MYO6: variants seen among roughly 807,000 people sequenced by gnomAD.
The protein encoded by MYO6 is myosin VI, also known as unconventional myosin-VI.
Under a neutral mutation model 178.7 loss-of-function variants are expected in MYO6, and 74 were observed. That is an observed-to-expected ratio of 0.41 (90% CI 0.34 to 0.50). The LOEUF is 0.50. MYO6 is among the 20% of genes least tolerant of loss of function. The pLI, the probability that MYO6 is intolerant of heterozygous loss-of-function variation, is 0.09. For missense variants in MYO6, 1,330 were observed against 1,547.4 expected, an observed-to-expected ratio of 0.86 and a Z score of 2.36; for synonymous variants, 477 against 504.6, an observed-to-expected ratio of 0.95 and a Z score of 0.73.
intron 1 of MYO6, among the ~76,000 whole-genome samples, chr6:75,777,414 TTTTTTC>T (rs1766496215): frequency 2.0e-5 from 3 of 151,928 alleles, no homozygotes; most frequent in Admixed American, 1.3e-4. Context: ...TTCTTTCTCT[TTTTTTC>T]TTTTTCTTTT....
rs1486371736 is a variant in MYO6 at position 75,914,067 on chromosome 6, G to A, written c.3444G>A (p.Gln1148=). ...TTTCCTTGTTCTGTGTAATAGCTCA[G>A]CAAAACCCAGCAGCTCAGATTCCTG... ...DFAPFLNNSP[Q]QNPAAQIPAR... Residue 1148 remains glutamine (Q), a synonymous_variant, in exon 34 of 35, where the codon CAG becomes CAA. Transcript: ENST00000369977. 2 of 1,613,906 alleles carry A rather than the reference G, an allele frequency of 1.2e-6. No homozygotes were observed. Among genetic ancestry groups the A allele is most frequent in the Admixed American group, 1.7e-5 (1 of 60,010 alleles).
intron 1 of MYO6, among the ~76,000 whole-genome samples, chr6:75,787,726 C>CTATATATATA (rs1562158559): frequency 4.9e-5 from 1 of 20,460 alleles, no homozygotes; most frequent in Non-Finnish European, 8.8e-5. Flanking sequence ...CTCTCTCTCT[C>CTATATATATA]TCTCTATATA....
At chr6:75,769,342 C>A (rs892523258) in intron 1 of MYO6, among the ~76,000 whole-genome samples, 1 of 152,194 alleles carries the variant, frequency 6.6e-6, no homozygotes, top group African/African-American at 2.4e-5. Context: ...CTCCTTCCAC[C>A]CATGAGCCTG....
intron 20 of MYO6, among the ~76,000 whole-genome samples, chr6:75,874,058 G>A (rs1777370830): frequency 6.6e-6 from 1 of 152,020 alleles, no homozygotes; most frequent in African/African-American, 2.4e-5. Context: ...TTTCTTCTCT[G>A]ACTCCTTATT....
At chr6:75,779,058 A>T (rs891077355) in intron 1 of MYO6, among the ~76,000 whole-genome samples, 16 of 22,376 alleles carry the variant, frequency 7.2e-4, no homozygotes, top group Non-Finnish European at 5.0e-4. Flanking sequence ...CTTTGTCTCA[A>T]AAAAAAAAAA....
intron 32 of MYO6, among the ~76,000 whole-genome samples, chr6:75,910,847 C>T (rs1276170131): frequency 6.6e-6 from 1 of 152,006 alleles, no homozygotes; most frequent in Non-Finnish European, 1.5e-5. Context: ...GCTAAACACC[C>T]TTTAAAAGGA....
intron 25 of MYO6, among the ~76,000 whole-genome samples, chr6:75,887,695 C>T (rs369688807): frequency 3.2e-4 from 47 of 147,064 alleles, no homozygotes; most frequent in Admixed American, 1.5e-3. Flanking sequence ...AGAAAATGGC[C>T]GGGCACGGTG....
At chr6:75,768,014 G>T (rs911991788) in intron 1 of MYO6, 1 of 152,154 alleles carries the variant, frequency 6.6e-6, no homozygotes, top group African/African-American at 2.4e-5. Context: ...AAGTAGCTGG[G>T]ATTACATGTT....
intron 30 of MYO6, among the ~76,000 whole-genome samples, chr6:75,902,403 T>G (rs1779873032): frequency 6.6e-6 from 1 of 152,160 alleles, no homozygotes; most frequent in East Asian, 1.9e-4. Flanking sequence ...CAATTTCAGA[T>G]CCTGTTATTG....
chr6:75,904,217 C>T (rs1740895984), intron 30 of MYO6, among the ~76,000 whole-genome samples: 2 of 149,326 alleles, frequency 1.3e-5, no homozygotes, highest in Non-Finnish European at 1.5e-5. Flanking sequence ...TGGAGTTGCT[C>T]TTCTCGAGGA....
Position 75,817,635 on chromosome 6 carries a change from A to G in MYO6, c.88A>G (p.Thr30Ala). ...NIVDIGPDSL[T>A]IEPLNQKGKT... Reference sequence around the variant, plus strand: ...TGTGGATATTGGCCCCGACAGCTTAACAATTGAACCCTTGAATCAGAAAGG... The same window carrying G: ...TGTGGATATTGGCCCCGACAGCTTAGCAATTGAACCCTTGAATCAGAAAGG... The change falls in exon 2 of 35, where the codon ACA becomes GCA. Residue 30 changes from threonine to alanine, a missense_variant. Transcript: ENST00000369977. 2.5e-6 allele frequency: 4 copies of G among 1,614,190 alleles called. No individual in the cohort carries two copies. The South Asian group carries it at 3.3e-5, about 13-fold the overall frequency.
intron 9 of MYO6, among the ~76,000 whole-genome samples, chr6:75,844,651 T>C (rs1055513994): frequency 6.6e-5 from 10 of 152,154 alleles, no homozygotes; most frequent in African/African-American, 2.4e-4. Flanking sequence ...TTTTATGTCA[T>C]TGATTTTTAA....
chr6:75,912,189 C>T (rs966408430), intron 33 of MYO6, among the ~76,000 whole-genome samples: 15 of 152,016 alleles, frequency 9.9e-5, no homozygotes, highest in Middle Eastern at 3.4e-3. Context: ...TATTCTGTTA[C>T]GTTTATAGCC....
intron 1 of MYO6, among the ~76,000 whole-genome samples, chr6:75,786,934 C>A (rs997296295): frequency 3.3e-5 from 5 of 152,164 alleles, no homozygotes; most frequent in Non-Finnish European, 5.9e-5. Flanking sequence ...AGACTGTTTT[C>A]GGAGTTCACA....
intron 1 of MYO6, among the ~76,000 whole-genome samples, chr6:75,775,165 T>C (rs904112775): frequency 2.6e-5 from 4 of 152,190 alleles, no homozygotes; most frequent in African/African-American, 9.6e-5. Context: ...GGTGCCGTTT[T>C]TGCAGTGCCA....
intron 1 of MYO6, among the ~76,000 whole-genome samples, chr6:75,769,631 G>A (rs1445092569): frequency 6.6e-6 from 1 of 152,260 alleles, no homozygotes; most frequent in African/African-American, 2.4e-5. Flanking sequence ...GCTGGGCGTG[G>A]TGGCTCATGC....
chr6:75,886,681 C>A (rs1484713504), intron 24 of MYO6, among the ~76,000 whole-genome samples, 163 bp from the exon 25 acceptor site: 1 of 152,110 alleles, frequency 6.6e-6, no homozygotes, highest in African/African-American at 2.4e-5. Flanking sequence ...CATTCACACT[C>A]ATATTTGATT....
At chr6:75,836,365 TA>T (rs1773642752) in intron 7 of MYO6, among the ~76,000 whole-genome samples, 1 of 152,310 alleles carries the variant, frequency 6.6e-6, no homozygotes, top group Admixed American at 6.5e-5. Context: ...CCGTAGTGTG[TA>T]AATTGATTTC....
intron 1 of MYO6, among the ~76,000 whole-genome samples, chr6:75,754,586 T>C (rs1290351753): frequency 6.6e-6 from 1 of 150,846 alleles, no homozygotes; most frequent in Non-Finnish European, 1.5e-5. Flanking sequence ...ATATATTTTC[T>C]GTGGCAGAAT....
Sources: gnomAD v4.1 joint callset for allele counts (sites outside exome capture counted in the v4.1 genomes callset) on GRCh38, gnomAD v4.1.1 for gene constraint, MANE v1.5 for transcripts, NCBI Gene and HGNC (gene_info 2026-07-23, HGNC 2026-07-21) for gene names.